RESF1: variants seen among roughly 807,000 people sequenced by gnomAD.
RESF1 encodes retroelement silencing factor 1, also known as gonad expressed transcript.
In RESF1, 65 loss-of-function variants were observed where a neutral mutation model predicts 134.7. That is an observed-to-expected ratio of 0.48 (90% CI 0.40 to 0.59). The LOEUF is 0.59. Among genes scored for constraint, RESF1 ranks in the 20% least tolerant of loss-of-function variants. RESF1 has a pLI of 0.00. For missense variants in RESF1, 2,274 were observed against 2,002.7 expected (o/e 1.14, Z -2.59); for synonymous variants, 762 against 702.2 (o/e 1.09, Z -1.35).
intron 3 of RESF1, among the ~76,000 whole-genome samples, chr12:31,971,542 C>CAT (rs1166494352): frequency 1.3e-5 from 2 of 152,196 alleles, no homozygotes; most frequent in African/African-American, 4.8e-5. Flanking sequence ...GAAACAATAA[C>CAT]ATATAGTTGG....
intron 2 of RESF1, among the ~76,000 whole-genome samples, chr12:31,964,602 G>A (rs1939357242): frequency 6.6e-6 from 1 of 152,204 alleles, no homozygotes; most frequent in African/African-American, 2.4e-5. Flanking sequence ...ATACAGCAAT[G>A]TTTGAGAGAT....
At chr12:31,989,246 A>T (rs887108637) in intron 5 of RESF1, among the ~76,000 whole-genome samples, 3 of 151,304 alleles carry the variant, frequency 2.0e-5, no homozygotes. Context: ...AATATAAAAA[A>T]TAAGCCGAGT....
Position 31,985,326 on chromosome 12 carries a change from A to G in RESF1, c.4371A>G (p.Glu1457=). 1.9e-6 allele frequency: 3 copies of G among 1,612,116 alleles called. No individual in the cohort carries two copies. Among genetic ancestry groups the G allele is most frequent in the Non-Finnish European group, 2.5e-6 (3 of 1,179,604 alleles). Residue 1457 remains glutamate (E), a synonymous_variant, in exon 4 of 6, where the codon GAA becomes GAG. Coordinates refer to ENST00000312561, the MANE Select transcript of RESF1 (RefSeq NM_018169.4). ...KEYLQRQKHK[E]ALSNKASKKI... Reference sequence around the variant, plus strand: ...ATTTACAAAGGCAGAAGCATAAAGAAGCTCTGAGTAATAAAGCATCGAAGA... The same window carrying G: ...ATTTACAAAGGCAGAAGCATAAAGAGGCTCTGAGTAATAAAGCATCGAAGA...
chr12:31,992,397 C>G lies in RESF1; in HGVS notation c.5106C>G (p.Leu1702=). Reference sequence around the variant, plus strand: ...CCTTAGATAATGTTAATTCAAGACTCTCGAAGAGAAGCTTCAGTGCAGATG... The same window carrying G: ...CCTTAGATAATGTTAATTCAAGACTGTCGAAGAGAAGCTTCAGTGCAGATG... ...SQERDNVNSR[L]SKRSFSADGF... is the part of the protein sequence containing the mutation. The change falls in exon 6 of 6, where the codon CTC becomes CTG. Residue 1702 remains leucine, a synonymous_variant. Transcript: ENST00000312561. 6.2e-7 allele frequency: 1 copy of G among 1,612,162 alleles called. No homozygotes were observed.
Position 31,984,956 on chromosome 12 carries a change from TAAAAAC to T in RESF1, c.4009_4014del (p.Lys1337_Thr1338del). On this transcript the variant is annotated inframe_deletion, in exon 4 of 6. Coordinates refer to ENST00000312561, the MANE Select transcript of RESF1 (RefSeq NM_018169.4). ...CATGTAACACAGAACTCACGTCCACTAAAAACAAAAACAGCTTTTTTGCCAAATAAA... is the reference window on the plus strand; with the variant it reads ...CATGTAACACAGAACTCACGTCCACTAAAAACAGCTTTTTTGCCAAATAAA... 1.9e-6 allele frequency: 3 copies of T among 1,613,228 alleles called. No individual in the cohort carries two copies. Among genetic ancestry groups the T allele is most frequent in the Non-Finnish European group, 2.5e-6 (3 of 1,179,798 alleles).
chr12:31,965,141 G>T (rs1020692697), intron 2 of RESF1, among the ~76,000 whole-genome samples: 3 of 152,142 alleles, frequency 2.0e-5, no homozygotes, highest in Non-Finnish European at 4.4e-5. Flanking sequence ...ATTTTTGGTA[G>T]AGGCGAGGTT....
At chr12:31,991,689 T>C (rs562323392) in intron 5 of RESF1, among the ~76,000 whole-genome samples, 2 of 152,288 alleles carry the variant, frequency 1.3e-5, no homozygotes, top group African/African-American at 2.4e-5. Context: ...TCGTGTGATA[T>C]CGGCTCACTG....
In RESF1 at chr12:31,984,477, A is replaced by C. The variant is rs1939906288; in HGVS notation, c.3522A>C (p.Ala1174=). Residue 1174 remains alanine (A), a synonymous_variant, in exon 4 of 6, where the codon GCA becomes GCC. Coordinates refer to ENST00000312561, the MANE Select transcript of RESF1 (RefSeq NM_018169.4). ...DSEKDDIHCC[A]LGWLSMVYEG... ...AGAAAGATGATATCCACTGCTGTGC[A>C]TTGGGCTGGCTCTCCATGGTTTACG... is the stretch of plus-strand genomic sequence containing the variant. 6.2e-7 allele frequency: 1 copy of C among 1,612,584 alleles called. No individual in the cohort carries two copies. Among genetic ancestry groups the C allele is most frequent in the Admixed American group, 1.7e-5 (1 of 59,920 alleles).
chr12:31,992,545 G>A lies in RESF1; in HGVS notation c.*10G>A. ...CAGTCCTGTAAAATAATTACAAGAT[G>A]TGGTTTTGTAATTGCCACTGGGAAA... On this transcript the variant is annotated 3_prime_UTR_variant, in exon 6 of 6. Transcript: ENST00000312561. The A allele has an allele frequency of 1.2e-6, 2 of 1,610,344 alleles. No individual in the cohort carries two copies. Among genetic ancestry groups the A allele is most frequent in the Non-Finnish European group, 1.7e-6 (2 of 1,178,374 alleles).
At position 31,982,105 on chromosome 12, in the gene RESF1, C is replaced by T. The variant is rs369965285; in HGVS notation, c.1150C>T (p.Leu384=). The change falls in exon 4 of 6, where the codon CTG becomes TTG. Residue 384 remains leucine, a synonymous_variant. Transcript: ENST00000312561. The stretch of plus-strand genomic sequence containing the variant: ...TTGCAATCCAACTTCAAATCAAGTA[C>T]TGGACACAAGTGTTGCAAAAGAAAA... ...DSCNPTSNQV[L]DTSVAKEKLV... is the part of the protein sequence containing the mutation. 141 of 1,613,922 alleles carry T rather than the reference C, an allele frequency of 8.7e-5. No individual in the cohort carries two copies. The Admixed American group carries it at 2.2e-3, about 26-fold the overall frequency.
Position 31,982,062 on chromosome 12 carries a change from A to G in RESF1, c.1107A>G (p.Glu369=). The G allele has an allele frequency of 6.2e-7, 1 of 1,614,152 alleles. No homozygotes were observed. The highest frequency in any genetic ancestry group is 8.5e-7 in the Non-Finnish European group (1 of 1,180,032). Residue 369 remains glutamate, a synonymous_variant, in exon 4 of 6, where the codon GAA becomes GAG. Coordinates refer to ENST00000312561, the MANE Select transcript of RESF1 (RefSeq NM_018169.4). ...TTCAGACTCTTGCTCAAACTAATGAAGAGAAAATAATGGATTCTTGCAATC... is the reference window on the plus strand; with the variant it reads ...TTCAGACTCTTGCTCAAACTAATGAGGAGAAAATAATGGATTCTTGCAATC... The part of the protein sequence containing the change: ...DGVQTLAQTN[E]EKIMDSCNPT...
In RESF1 at chr12:31,984,157, G is replaced by C; in HGVS notation, c.3202G>C (p.Ala1068Pro). 1.2e-6 allele frequency: 2 copies of C among 1,612,820 alleles called. No individual in the cohort carries two copies. The highest frequency in any genetic ancestry group is 1.7e-6 in the Non-Finnish European group (2 of 1,179,642). Reference protein sequence around the residue: ...LLKEFPYGIEAVNTREGSVGQ... With the variant: ...LLKEFPYGIEPVNTREGSVGQ... ...AAAAGAGTTTCCTTATGGCATTGAG[G>C]CTGTGAATACACGTGAAGGTTCTGT... Residue 1068 changes from alanine (A) to proline (P), a missense_variant, in exon 4 of 6, where the codon GCT (alanine) becomes CCT (proline). Coordinates refer to ENST00000312561, the MANE Select transcript of RESF1 (RefSeq NM_018169.4).
In RESF1 at chr12:31,984,423, A is replaced by G; in HGVS notation, c.3468A>G (p.Gln1156=). 1 of 1,614,170 alleles carries G rather than the reference A, an allele frequency of 6.2e-7. No individual in the cohort carries two copies. The highest frequency in any genetic ancestry group is 8.5e-7 in the Non-Finnish European group (1 of 1,180,012). The change falls in exon 4 of 6, where the codon CAA becomes CAG. Residue 1156 remains glutamine, a synonymous_variant. Transcript: ENST00000312561. ...ACCTGCAGGCACCTGCAGCTGGACA[A>G]AGTCGTGATTCTGTGATACTGGACT... ...QCDLQAPAAG[Q]SRDSVILDSE... is the part of the protein sequence containing the mutation.
rs1024932218 is a variant in RESF1, at chr12:31,983,485, A to G, written c.2530A>G (p.Thr844Ala). 2.5e-6 allele frequency: 4 copies of G among 1,613,992 alleles called. No homozygotes were observed. In the African/African-American group the frequency reaches 4.0e-5, roughly 16 times the overall value. Residue 844 changes from threonine (T) to alanine (A), a missense_variant, in exon 4 of 6, where the codon ACT (threonine) becomes GCT (alanine). By Grantham distance (58) the Thr-to-Ala change is moderately conservative. Transcript: ENST00000312561. Reference protein sequence around the residue: ...LTQKEKQNESTNGNSEVTPNV... With the variant: ...LTQKEKQNESANGNSEVTPNV... ...TCAGAAGGAAAAGCAGAATGAGTCA[A>G]CTAATGGTAATTCAGAAGTCACACC...
chr12:31,977,249 C>T (rs746516638), intron 3 of RESF1, among the ~76,000 whole-genome samples: 9 of 152,058 alleles, frequency 5.9e-5, no homozygotes, highest in Non-Finnish European at 1.0e-4. Flanking sequence ...GGTGCGACCT[C>T]GGCTCACTGC....
In RESF1 at chr12:31,983,577, A is replaced by G. The variant is rs781718656; in HGVS notation, c.2622A>G (p.Gln874=). The G allele has an allele frequency of 1.2e-6, 2 of 1,613,950 alleles. No homozygotes were observed. Among genetic ancestry groups the G allele is most frequent in the South Asian group, 2.2e-5 (2 of 91,092 alleles). Residue 874 remains glutamine (Q), a synonymous_variant, in exon 4 of 6, where the codon CAA becomes CAG. Transcript: ENST00000312561. The part of the protein sequence containing the change: ...SAIHSPMNDQ[Q]ISQESRNSTV... The stretch of plus-strand genomic sequence containing the variant: ...TCCATTCTCCTATGAACGATCAGCA[A>G]ATCTCACAGGAGTCAAGGAATAGTA...
At chr12:31,976,715 TA>T (rs1283982988) in intron 3 of RESF1, among the ~76,000 whole-genome samples, 4 of 152,114 alleles carry the variant, frequency 2.6e-5, no homozygotes, top group Non-Finnish European at 5.9e-5. Flanking sequence ...AGAATATATT[TA>T]CTATTCATTA....
chr12:31,985,678 A>G lies in RESF1; in HGVS notation c.4723A>G (p.Lys1575Glu). 1.2e-6 allele frequency: 2 copies of G among 1,612,616 alleles called. No homozygotes were observed. Among genetic ancestry groups the G allele is most frequent in the Non-Finnish European group, 1.7e-6 (2 of 1,179,658 alleles). ...ATTCAGCCAAATGCCTCCCCAAGTA[A>G]AGGATCAAAAGAAATTATATCTGAA... ...AQFSQMPPQV[K>E]DQKKLYLNRV... Residue 1575 changes from lysine (K) to glutamate (E), a missense_variant, in exon 4 of 6, where the codon AAG becomes GAG. By Grantham distance (56) the Lys-to-Glu change is moderately conservative. Transcript: ENST00000312561.
intron 2 of RESF1, among the ~76,000 whole-genome samples, chr12:31,965,113 C>A (rs1471701507): frequency 2.6e-5 from 4 of 152,152 alleles, no homozygotes; most frequent in Non-Finnish European, 4.4e-5. Flanking sequence ...CTTGCCACCA[C>A]ACCGCGGTAA....
Sources: allele counts gnomAD v4.1 joint callset (sites outside exome capture counted in the v4.1 genomes callset), GRCh38; gene constraint gnomAD v4.1.1; transcripts MANE v1.5; gene names NCBI Gene and HGNC (gene_info 2026-07-23, HGNC 2026-07-21).